The following TTLL13 variants were observed in gnomAD, a reference collection of about 807,000 sequenced individuals.
TTLL13 encodes the protein tubulin tyrosine ligase like 13, also known as tubulin polyglutamylase TTLL13.
At chr15:90,261,451 A>C in the TTLL13 span, among the ~76,000 whole-genome samples, 2 of 151,886 alleles carry the variant, frequency 1.3e-5, no homozygotes, top group Admixed American at 1.3e-4. Flanking sequence ...AAACCTAAAA[A>C]ACTATGATAA....
chr15:90,257,957 G>A, the TTLL13 span: 40 of 1,353,578 alleles, frequency 3.0e-5, no homozygotes, highest in East Asian at 2.5e-4. Context: ...TGCAATTAGC[G>A]TTAGTGTGAG....
chr15:90,263,535 T>G, the TTLL13 span: 1 of 551,664 alleles, frequency 1.8e-6, no homozygotes, highest in Admixed American at 3.2e-5. Context: ...TAAACAGATT[T>G]GGGCCAACAA....
chr15:90,257,956 C>A, the TTLL13 span: 2 of 1,334,536 alleles, frequency 1.5e-6, no homozygotes, highest in Non-Finnish European at 2.1e-6. Context: ...ATGCAATTAG[C>A]GTTAGTGTGA....
At chr15:90,256,152 TC>T in the TTLL13 span, 10 of 1,613,988 alleles carry the variant, frequency 6.2e-6, no homozygotes, top group Admixed American at 1.3e-4. Context: ...TATGGGGACT[TC>T]CAGTCCTACG....
the TTLL13 span, chr15:90,263,884 A>G: frequency 9.0e-7 from 1 of 1,112,266 alleles, no homozygotes; most frequent in Non-Finnish European, 1.3e-6. Flanking sequence ...AATCCCCAGG[A>G]TCTTAGGGGC....
At chr15:90,262,646 A>G in the TTLL13 span, 1 of 1,500,588 alleles carries the variant, frequency 6.7e-7, no homozygotes, top group Non-Finnish European at 8.8e-7. Flanking sequence ...CTTGGCTTAC[A>G]GGAACCGCAA....
the TTLL13 span, chr15:90,258,636 G>A: frequency 8.2e-6 from 8 of 969,698 alleles, 1 homozygote; most frequent in South Asian, 1.0e-4. Flanking sequence ...CTCCCCGGCT[G>A]AGGCCATGGG....
chr15:90,259,802 G>C, the TTLL13 span, among the ~76,000 whole-genome samples: 1 of 152,124 alleles, frequency 6.6e-6, no homozygotes, highest in Non-Finnish European at 1.5e-5. Flanking sequence ...CATCCGTGTT[G>C]GTCACCCATT....
chr15:90,259,846 G>GT, the TTLL13 span, among the ~76,000 whole-genome samples: 16 of 152,186 alleles, frequency 1.1e-4, no homozygotes, highest in African/African-American at 3.9e-4. Flanking sequence ...TACAAACATG[G>GT]TAACTGGTCA....
the TTLL13 span, chr15:90,263,555 C>T: frequency 7.1e-5 from 39 of 547,852 alleles, 1 homozygote; most frequent in African/African-American, 5.8e-4. Context: ...AAAGAGCTGC[C>T]GCTTTCACTA....
chr15:90,260,723 T>C, the TTLL13 span, among the ~76,000 whole-genome samples: 1 of 150,788 alleles, frequency 6.6e-6, no homozygotes, highest in African/African-American at 2.4e-5. Flanking sequence ...TGGTGGTGCA[T>C]GCCTGTAATC....
At chr15:90,264,004 A>G in the TTLL13 span, 16 of 1,535,996 alleles carry the variant, frequency 1.0e-5, no homozygotes, top group East Asian at 4.9e-5. Context: ...TTCATTGTCA[A>G]TGAAGAAGGC....
the TTLL13 span, chr15:90,257,320 A>T: frequency 8.2e-3 from 13,085 of 1,587,708 alleles, 948 homozygotes; most frequent in African/African-American, 0.15. Flanking sequence ...TCCACTGCCA[A>T]AAGTGCTGAG....
chr15:90,256,125 C>A, the TTLL13 span: 7 of 1,612,380 alleles, frequency 4.3e-6, no homozygotes, highest in South Asian at 3.3e-5. Flanking sequence ...TTTGACCAGG[C>A]CCTCTCTGCA....
At chr15:90,253,158 T>C in the TTLL13 span, 1 of 912,496 alleles carries the variant, frequency 1.1e-6, no homozygotes, top group Non-Finnish European at 1.7e-6. Flanking sequence ...TGCCCTCGGG[T>C]CAGGTGTATA....
At chr15:90,261,142 G>A in the TTLL13 span, among the ~76,000 whole-genome samples, 5 of 147,406 alleles carry the variant, frequency 3.4e-5, no homozygotes, top group South Asian at 6.4e-4. Flanking sequence ...GCAGTGCCAC[G>A]ATCTTGGCTC....
At chr15:90,254,203 A>T in the TTLL13 span, among the ~76,000 whole-genome samples, 967 of 37,366 alleles carry the variant, frequency 0.026, 8 homozygotes, top group African/African-American at 0.11. Context: ...TTTTTTTTTT[A>T]AAAAAAAAAG....
At chr15:90,262,376 G>A in the TTLL13 span, 9 of 1,214,556 alleles carry the variant, frequency 7.4e-6, no homozygotes, top group African/African-American at 3.1e-5. Context: ...CATTGCTCTC[G>A]CATCAGTCCT....
chr15:90,250,726 C>G, the TTLL13 span: 1 of 1,614,176 alleles, frequency 6.2e-7, no homozygotes. Context: ...TTACCAACCC[C>G]TCTAACTCTT....
Sources: gnomAD v4.1 joint callset for allele counts (sites outside exome capture counted in the v4.1 genomes callset) on GRCh38, gnomAD v4.1.1 for gene constraint, MANE v1.5 for transcripts, NCBI Gene and HGNC (gene_info 2026-07-23, HGNC 2026-07-21) for gene names.